The following VAT1L variants were observed in gnomAD, a reference collection of about 807,000 sequenced individuals.
VAT1L encodes putative NADPH-dependent quinone oxidoreductase VAT1L.
Under a neutral mutation model 44.1 loss-of-function variants are expected in VAT1L, and 34 were observed. That is an observed-to-expected ratio of 0.77 (90% CI 0.59 to 1.03). VAT1L has a LOEUF of 1.03. Among genes scored for constraint, VAT1L ranks in the 50% least tolerant of loss-of-function variants. The pLI, the probability that VAT1L is intolerant of heterozygous loss-of-function variation, is 0.00. For synonymous variants in VAT1L, 253 were observed against 202.2 expected (o/e 1.25, Z -2.13); for missense variants, 615 against 538.8 (o/e 1.14, Z -1.40).
intron 7 of VAT1L, among the ~76,000 whole-genome samples, chr16:77,967,273 G>A (rs183086870): frequency 3.9e-5 from 6 of 152,164 alleles, no homozygotes; most frequent in African/African-American, 1.4e-4. Context: ...TGAAACTGTG[G>A]TGCTTAACTC....
chr16:77,824,829 A>G (rs2016499553), intron 2 of VAT1L, among the ~76,000 whole-genome samples: 1 of 144,418 alleles, frequency 6.9e-6, no homozygotes. Flanking sequence ...AGGAAAAACC[A>G]TGTGTTTGTA....
At chr16:77,896,785 G>A (rs1345902460) in intron 7 of VAT1L, among the ~76,000 whole-genome samples, 1 of 152,190 alleles carries the variant, frequency 6.6e-6, no homozygotes, top group East Asian at 1.9e-4. Context: ...AGGAGTCTGG[G>A]AGCTCAGCTC....
intron 3 of VAT1L, among the ~76,000 whole-genome samples, chr16:77,843,565 C>G (rs1567484980): frequency 6.6e-6 from 1 of 152,160 alleles, no homozygotes; most frequent in Admixed American, 6.5e-5. Flanking sequence ...TTAGGAGACA[C>G]GTCCAGTCAG....
At chr16:77,870,658 A>G (rs1415784023) in intron 4 of VAT1L, among the ~76,000 whole-genome samples, 1 of 152,218 alleles carries the variant, frequency 6.6e-6, no homozygotes, top group Non-Finnish European at 1.5e-5. Context: ...AGCTGGGGCT[A>G]TTTGTGTTTG....
At position 77,975,208 on chromosome 16, in the gene VAT1L, T is replaced by TTTTTTTTTG. The variant is rs2018324413; in HGVS notation, c.1162-2381_1162-2380insGTTTTTTTT. Among the ~76,000 whole-genome samples the TTTTTTTTTG allele has an allele frequency of 1.6e-5, 2 of 128,298 alleles. 1 individual carries two copies. The highest frequency in any genetic ancestry group is 3.3e-5 in the Non-Finnish European group (2 of 59,804). 84.2% of individuals were successfully genotyped at this position (128,298 alleles called of 152,430 possible). On this transcript the variant is annotated intron_variant, in intron 8 of 8. Transcript: ENST00000302536. Reference sequence around the variant, plus strand: ...TGGAATGACCACTTTTTTTTTTTTTTTTTTTTTTTTTTTTTTTTTTAAAGA... The same window carrying TTTTTTTTTG: ...TGGAATGACCACTTTTTTTTTTTTTTTTTTTTTTGTTTTTTTTTTTTTTTTTTTTAAAGA...
At chr16:77,805,908 G>A (rs2016150160) in intron 1 of VAT1L, among the ~76,000 whole-genome samples, 1 of 96,430 alleles carries the variant, frequency 1.0e-5, no homozygotes, top group African/African-American at 3.2e-5. Context: ...TGTGGCCCAG[G>A]CTGGAGAGCA....
chr16:77,820,500 C>A (rs767496424), intron 2 of VAT1L, among the ~76,000 whole-genome samples: 1 of 152,168 alleles, frequency 6.6e-6, no homozygotes, highest in South Asian at 2.1e-4. Context: ...GTTTCTGTAT[C>A]TTTTCCTGCA....
chr16:77,968,824 AT>A (rs2018250245), intron 7 of VAT1L, among the ~76,000 whole-genome samples: 1 of 152,016 alleles, frequency 6.6e-6, no homozygotes, highest in South Asian at 2.1e-4. Context: ...GCAAGAATCA[AT>A]TCTTTTTTTT....
At chr16:77,795,982 A>G (rs28584133) in intron 1 of VAT1L, among the ~76,000 whole-genome samples, 1 of 151,688 alleles carries the variant, frequency 6.6e-6, no homozygotes, top group African/African-American at 2.4e-5. Flanking sequence ...CCTGCCACCA[A>G]GCCCAGCTAG....
intron 4 of VAT1L, among the ~76,000 whole-genome samples, chr16:77,866,404 G>A (rs1490052645): frequency 6.6e-6 from 1 of 151,930 alleles, no homozygotes; most frequent in Non-Finnish European, 1.5e-5. Flanking sequence ...AATGCCCATG[G>A]TAGCACATTG....
intron 3 of VAT1L, among the ~76,000 whole-genome samples, chr16:77,856,714 T>A (rs2016863067): frequency 6.6e-6 from 1 of 152,174 alleles, no homozygotes; most frequent in South Asian, 2.1e-4. Context: ...TTGATTAACA[T>A]CTGGTTGAAA....
At chr16:77,812,428 A>G (rs530902532) in intron 1 of VAT1L, among the ~76,000 whole-genome samples, 12 of 152,258 alleles carry the variant, frequency 7.9e-5, no homozygotes, top group African/African-American at 2.9e-4. Context: ...TTGAGATTTC[A>G]TGGTGTTATG....
chr16:77,817,419 A>G (rs554504461), intron 2 of VAT1L, among the ~76,000 whole-genome samples: 2 of 152,358 alleles, frequency 1.3e-5, no homozygotes, highest in East Asian at 3.9e-4. Context: ...TACAAAACAC[A>G]GAAGTGTAGA....
intron 3 of VAT1L, among the ~76,000 whole-genome samples, chr16:77,840,109 G>A (rs1024851495): frequency 4.6e-5 from 7 of 152,132 alleles, no homozygotes; most frequent in Admixed American, 6.5e-5. Flanking sequence ...GATAATCTAT[G>A]GAATCGTTAG....
intron 7 of VAT1L, among the ~76,000 whole-genome samples, chr16:77,954,596 G>T (rs866382860): frequency 5.3e-5 from 8 of 152,172 alleles, no homozygotes; most frequent in Middle Eastern, 3.2e-3. Context: ...CTGTAGTCCA[G>T]CCTGGGCGAC....
At chr16:77,942,646 G>A (rs1459151679) in intron 7 of VAT1L, among the ~76,000 whole-genome samples, 2 of 152,178 alleles carry the variant, frequency 1.3e-5, no homozygotes, top group African/African-American at 4.8e-5. Context: ...TAGAAGGATC[G>A]AGTTGAGGGA....
At position 77,878,374 on chromosome 16, in the gene VAT1L, A is replaced by G. The variant is rs527290652; in HGVS notation, c.827-795A>G. Reference sequence around the variant, plus strand: ...CTCTCTGAGAAGAAATTACTCCAAAATCTTTGAAGACAAGGCAGGAAAGTT... The same window carrying G: ...CTCTCTGAGAAGAAATTACTCCAAAGTCTTTGAAGACAAGGCAGGAAAGTT... On this transcript the variant is annotated intron_variant, in intron 5 of 8. Transcript: ENST00000302536. 9.9e-5 allele frequency among the ~76,000 whole-genome samples: 15 copies of G among 152,262 alleles called. No homozygotes were observed. The South Asian group carries it at 3.1e-3, about 32-fold the overall frequency.
intron 3 of VAT1L, among the ~76,000 whole-genome samples, chr16:77,851,127 G>A (rs771021008): frequency 1.1e-4 from 16 of 152,206 alleles, no homozygotes; most frequent in Non-Finnish European, 2.1e-4. Context: ...CCACACTCTA[G>A]TTGCTAGGGC....
chr16:77,967,393 A>T (rs559970715), intron 7 of VAT1L, among the ~76,000 whole-genome samples: 1 of 152,342 alleles, frequency 6.6e-6, no homozygotes, highest in East Asian at 1.9e-4. Flanking sequence ...GAAGCAACTT[A>T]TGCAAAGGGC....
Sources: gnomAD v4.1 joint callset for allele counts (sites outside exome capture counted in the v4.1 genomes callset) on GRCh38, gnomAD v4.1.1 for gene constraint, MANE v1.5 for transcripts, NCBI Gene and HGNC (gene_info 2026-07-23, HGNC 2026-07-21) for gene names.